The following ZNF568 variants were observed in gnomAD, a reference collection of about 807,000 sequenced individuals.
The protein encoded by ZNF568 is zinc finger protein 568.
Under a neutral mutation model 18.1 loss-of-function variants are expected in ZNF568, and 11 were observed. The ratio of observed to expected loss-of-function variants is 0.61; its 90% CI spans 0.38 to 1.00. The LOEUF is 1.00. Ranked by LOEUF, ZNF568 falls within the 50% of genes least tolerant of loss-of-function variation. ZNF568 has a pLI of 0.01. For missense variants in ZNF568, 639 were observed against 768.2 expected, an observed-to-expected ratio of 0.83 and a Z score of 1.99; for synonymous variants, 213 against 246.6, an observed-to-expected ratio of 0.86 and a Z score of 1.28.
rs762970968 is a variant in ZNF568 at position 36,949,762 on chromosome 19, G to C, written c.609G>C (p.Gln203His). 3 of 1,613,836 alleles carry C rather than the reference G, an allele frequency of 1.9e-6. No homozygotes were observed. The highest frequency in any genetic ancestry group is 1.7e-6 in the Non-Finnish European group (2 of 1,179,930). ...AGAAAGGCTGTGTAAGAGAGAAACA[G>C]AGTAATGAGTTTGGGAAACCATTTT... ...RYEKGCVREK[Q>H]SNEFGKPFYH... The change falls in exon 7 of 7, where the codon CAG becomes CAC. Residue 203 changes from glutamine to histidine, a missense_variant. Transcript: ENST00000333987.
At chr19:36,997,006 T>G (rs1209846352) in exon 5 of ZNF568, 1 of 1,551,450 alleles carries the variant, frequency 6.4e-7, no homozygotes, top group Non-Finnish European at 8.7e-7. Context: ...CTCACACCTT[T>G]TTCGACATCA....
chr19:36,928,563 T>C (rs2073624569), intron 4 of ZNF568, among the ~76,000 whole-genome samples: 1 of 151,996 alleles, frequency 6.6e-6, no homozygotes, highest in Non-Finnish European at 1.5e-5. Flanking sequence ...TAGACATAAG[T>C]AAGGGGAGGG....
intron 2 of ZNF568, among the ~76,000 whole-genome samples, chr19:36,990,670 T>C (rs1205354394): frequency 1.3e-5 from 2 of 152,166 alleles, no homozygotes; most frequent in Admixed American, 6.5e-5. Context: ...CAAAAGAACC[T>C]TTAGAAAACT....
At chr19:36,935,086 T>A (rs766511402) in intron 4 of ZNF568, among the ~76,000 whole-genome samples, 1 of 152,180 alleles carries the variant, frequency 6.6e-6, no homozygotes, top group Non-Finnish European at 1.5e-5. Flanking sequence ...TAGCTGGGCC[T>A]ATTGAGGCTT....
downstream of ZNF568, among the ~76,000 whole-genome samples, chr19:36,982,448 C>T (rs1307455573): frequency 6.6e-6 from 1 of 152,126 alleles, no homozygotes; most frequent in Non-Finnish European, 1.5e-5. Flanking sequence ...CTTGTAATCC[C>T]AGCACTTTGG....
intron 6 of ZNF568, among the ~76,000 whole-genome samples, chr19:36,941,726 T>G (rs1035011415): frequency 1.3e-5 from 2 of 152,206 alleles, no homozygotes; most frequent in Non-Finnish European, 2.9e-5. Flanking sequence ...GGGTTATCAT[T>G]TGTTTCTCTT....
At chr19:36,991,676 C>T (rs1021299619) in intron 3 of ZNF568, 1 of 1,223,636 alleles carries the variant, frequency 8.2e-7, no homozygotes, top group Admixed American at 2.3e-5. Context: ...ACCTGCTCCT[C>T]TTTCTTGGTA....
intron 6 of ZNF568, among the ~76,000 whole-genome samples, chr19:36,937,606 G>A (rs977691093): frequency 1.3e-5 from 2 of 152,066 alleles, no homozygotes; most frequent in Non-Finnish European, 2.9e-5. Context: ...TTTCATGGTT[G>A]TGTAGTAATT....
intron 4 of ZNF568, among the ~76,000 whole-genome samples, chr19:36,927,903 A>ATTTTTTTTTTTTT (rs71177414): frequency 3.8e-5 from 1 of 26,614 alleles, no homozygotes; most frequent in African/African-American, 2.5e-4. Context: ...ATATATATAT[A>ATTTTTTTTTTTTT]TTTTTTTTTT....
chr19:36,921,551 C>G (rs960153806), intron 2 of ZNF568, among the ~76,000 whole-genome samples: 3 of 151,578 alleles, frequency 2.0e-5, no homozygotes, highest in African/African-American at 7.3e-5. Flanking sequence ...TAGCACTTCT[C>G]AAAACTTATT....
At chr19:36,980,614 A>G (rs769531983), downstream of ZNF568, among the ~76,000 whole-genome samples, 6 of 152,154 alleles carry the variant, frequency 3.9e-5, no homozygotes, top group East Asian at 1.9e-4. Context: ...ACAGAACTCA[A>G]TGAAAGCTGT....
rs1215825285 is a variant in ZNF568 at position 36,927,878 on chromosome 19, ATATATATAT to A, written c.135+2630_135+2638del. ...TGTGTGTGTATATATATATATATAT[ATATATATAT>A]TATATATATATATATATTTTTTTTT... On this transcript the variant is annotated intron_variant, in intron 4 of 6. Coordinates refer to ENST00000333987, the MANE Select transcript of ZNF568 (RefSeq NM_198539.4). Among the ~76,000 whole-genome samples the A allele has an allele frequency of 1.8e-3, 100 of 54,338 alleles. 1 individual carries two copies. Among genetic ancestry groups the A allele is most frequent in the African/African-American group, 6.2e-3 (52 of 8,360 alleles). The allele number at this position is 54,338 out of a possible 152,430, so 35.6% of individuals were successfully genotyped here.
intron 7 of ZNF568, chr19:36,976,227 T>C (rs17639910): frequency 0.19 from 28,426 of 152,116 alleles, 2,728 homozygotes; most frequent in African/African-American, 0.24. Flanking sequence ...TGTGTAGTCA[T>C]GTGATTTTTT....
chr19:36,930,106 T>C (rs191179814), intron 4 of ZNF568, among the ~76,000 whole-genome samples: 4 of 152,128 alleles, frequency 2.6e-5, no homozygotes, highest in East Asian at 1.9e-4. Context: ...CTTGGGAAAA[T>C]AGACCCTATT....
At chr19:36,920,528 C>T (rs1406426395) in intron 2 of ZNF568, among the ~76,000 whole-genome samples, 3 of 150,960 alleles carry the variant, frequency 2.0e-5, no homozygotes, top group Non-Finnish European at 4.4e-5. Context: ...GAGGCTGAGG[C>T]AGGAGAATCA....
At chr19:36,972,423 C>T (rs997409181) in intron 6 of ZNF568, among the ~76,000 whole-genome samples, 4 of 152,146 alleles carry the variant, frequency 2.6e-5, no homozygotes, top group Non-Finnish European at 4.4e-5. Context: ...CTTCTCCAGT[C>T]CCTTCGGCAT....
At chr19:36,961,187 G>A (rs1181908420) in intron 6 of ZNF568, among the ~76,000 whole-genome samples, 4 of 151,472 alleles carry the variant, frequency 2.6e-5, no homozygotes, top group Non-Finnish European at 5.9e-5. Context: ...ATGAATCTGG[G>A]TACTTCAGTG....
downstream of ZNF568, among the ~76,000 whole-genome samples, chr19:36,984,902 CT>C (rs2074363205): frequency 6.6e-6 from 1 of 151,790 alleles, no homozygotes; most frequent in Non-Finnish European, 1.5e-5. Flanking sequence ...GTGTGATTGT[CT>C]AGGCATGGAT....
chr19:36,930,490 T>TG (rs2073669084), intron 4 of ZNF568, among the ~76,000 whole-genome samples: 1 of 152,208 alleles, frequency 6.6e-6, no homozygotes, highest in African/African-American at 2.4e-5. Context: ...ATTACAAGCA[T>TG]GAGCCACCGC....
Sources: gnomAD v4.1 joint callset for allele counts (sites outside exome capture counted in the v4.1 genomes callset) on GRCh38, gnomAD v4.1.1 for gene constraint, MANE v1.5 for transcripts, NCBI Gene and HGNC (gene_info 2026-07-23, HGNC 2026-07-21) for gene names.